Variants in LHFPL3 observed in about 807,000 individuals in gnomAD.
The protein encoded by LHFPL3 is LHFPL tetraspan subfamily member 3.
In LHFPL3, 5 loss-of-function variants were observed where a neutral mutation model predicts 19.3. That is an observed-to-expected ratio of 0.26 (90% CI 0.14 to 0.54). LHFPL3 has a LOEUF of 0.54. Ranked by LOEUF, LHFPL3 falls within the 20% of genes least tolerant of loss-of-function variation. The pLI is 0.94. For missense variants in LHFPL3, 249 were observed against 307.4 expected, an observed-to-expected ratio of 0.81 and a Z score of 1.42; for synonymous variants, 133 against 126.2, an observed-to-expected ratio of 1.05 and a Z score of -0.36.
At chr7:104,903,046 T>G (rs1467943066) in intron 2 of LHFPL3, among the ~76,000 whole-genome samples, 1 of 152,164 alleles carries the variant, frequency 6.6e-6, no homozygotes, top group South Asian at 2.1e-4. Flanking sequence ...GCCGGAGGCT[T>G]CCTTCTCCCC....
intron 1 of LHFPL3, among the ~76,000 whole-genome samples, chr7:104,365,777 G>C (rs1412115487): frequency 9.3e-4 from 36 of 38,732 alleles, no homozygotes; most frequent in Non-Finnish European, 1.8e-3. Flanking sequence ...GACAGAGCGA[G>C]ACTCCGTCTC....
At chr7:104,742,850 A>C (rs996224411) in intron 2 of LHFPL3, among the ~76,000 whole-genome samples, 4 of 151,984 alleles carry the variant, frequency 2.6e-5, no homozygotes, top group African/African-American at 9.7e-5. Context: ...TGACTAGGGG[A>C]GGGGATAGGT....
intron 2 of LHFPL3, among the ~76,000 whole-genome samples, chr7:104,861,964 G>C (rs1332463634): frequency 1.3e-5 from 2 of 152,086 alleles, no homozygotes; most frequent in Admixed American, 1.3e-4. Flanking sequence ...TGGTAGGGCT[G>C]GGCTGCCTGT....
intron 2 of LHFPL3, among the ~76,000 whole-genome samples, chr7:104,802,084 A>G (rs913001159): frequency 6.6e-5 from 10 of 152,024 alleles, no homozygotes; most frequent in Admixed American, 5.2e-4. Flanking sequence ...TGTCTCCCCA[A>G]AATTTTTGGT....
In LHFPL3 at chr7:104,748,161, C is replaced by T. The variant is rs567938037; in HGVS notation, c.682+11250C>T. Among the ~76,000 whole-genome samples the T allele has an allele frequency of 3.3e-4, 50 of 151,244 alleles. No individual in the cohort carries two copies. In the East Asian group the frequency reaches 9.2e-3, roughly 28 times the overall value. ...AACAGATGCTTGAAGGCAGCATGCT[C>T]CTTAAGAGTCATCACCACTCCCTAA... On this transcript the variant is annotated intron_variant, in intron 2 of 2. Transcript: ENST00000424859.
At chr7:104,679,437 A>T (rs1792652191) in intron 1 of LHFPL3, among the ~76,000 whole-genome samples, 1 of 152,224 alleles carries the variant, frequency 6.6e-6, no homozygotes, top group Non-Finnish European at 1.5e-5. Flanking sequence ...GCTCATATTC[A>T]AGAGGTAGGG....
At chr7:104,801,945 A>G (rs1341463559) in intron 2 of LHFPL3, among the ~76,000 whole-genome samples, 1 of 152,184 alleles carries the variant, frequency 6.6e-6, no homozygotes, top group Non-Finnish European at 1.5e-5. Context: ...CCATTAACTA[A>G]GTAGTAAACA....
chr7:104,649,746 G>C (rs1315695717), intron 1 of LHFPL3, among the ~76,000 whole-genome samples: 1 of 152,232 alleles, frequency 6.6e-6, no homozygotes, highest in Non-Finnish European at 1.5e-5. Flanking sequence ...GAGTTAGTGA[G>C]AGCAGCAGGA....
chr7:104,373,460 C>A (rs572195988), intron 1 of LHFPL3, among the ~76,000 whole-genome samples: 1 of 152,084 alleles, frequency 6.6e-6, no homozygotes, highest in African/African-American at 2.4e-5. Flanking sequence ...GTGCTATAAC[C>A]TGCCATCCCT....
rs1376933524 is a variant in LHFPL3, at chr7:104,328,855, C to T, written c.76C>T (p.His26Tyr). ...GGCTCAGGAGGCTGCCAAGCTGTACCACACCAACTATGTGCGGAACTCGCG... is the reference window on the plus strand; with the variant it reads ...GGCTCAGGAGGCTGCCAAGCTGTACTACACCAACTATGTGCGGAACTCGCG... ...LPAQEAAKLY[H>Y]TNYVRNSRAI... is the part of the protein sequence containing the mutation. Residue 26 changes from histidine (H) to tyrosine (Y), a missense_variant, in exon 1 of 3, where the codon CAC becomes TAC. His to Tyr is a moderately conservative substitution (Grantham distance 83). Transcript: ENST00000424859. This position sits in a 1 kb window ranked among gnomAD's most constrained non-coding sequence, Gnocchi z 4.6. 1.2e-6 allele frequency: 2 copies of T among 1,614,168 alleles called. No homozygotes were observed. The highest frequency in any genetic ancestry group is 2.2e-5 in the East Asian group (1 of 44,840).
At chr7:104,683,059 G>A (rs964981782) in intron 1 of LHFPL3, among the ~76,000 whole-genome samples, 1 of 152,116 alleles carries the variant, frequency 6.6e-6, no homozygotes, top group African/African-American at 2.4e-5. Context: ...CCGTGATCTC[G>A]GCTCACTGCA....
At chr7:104,430,412 A>ACGTG (rs1562895172) in intron 1 of LHFPL3, among the ~76,000 whole-genome samples, 3 of 27,596 alleles carry the variant, frequency 1.1e-4, no homozygotes, top group African/African-American at 7.2e-4. Flanking sequence ...ATACATATAT[A>ACGTG]TATATACATA....
intron 2 of LHFPL3, among the ~76,000 whole-genome samples, chr7:104,741,365 T>C (rs1481390401): frequency 6.6e-6 from 1 of 151,810 alleles, no homozygotes; most frequent in Non-Finnish European, 1.5e-5. Flanking sequence ...GGCAACAAGT[T>C]TGAAGACACA....
At chr7:104,610,350 C>A (rs544649402) in intron 1 of LHFPL3, among the ~76,000 whole-genome samples, 33 of 151,826 alleles carry the variant, frequency 2.2e-4, no homozygotes, top group Non-Finnish European at 4.6e-4. Context: ...CTAATCACAA[C>A]TCACTCCTAT....
chr7:104,845,106 T>C (rs1791288134), intron 2 of LHFPL3, among the ~76,000 whole-genome samples: 1 of 152,206 alleles, frequency 6.6e-6, no homozygotes, highest in Admixed American at 6.5e-5. Flanking sequence ...AGTGCTACTA[T>C]TGGCCCGTTT....
chr7:104,426,111 T>C (rs978091602), intron 1 of LHFPL3, among the ~76,000 whole-genome samples: 1 of 152,238 alleles, frequency 6.6e-6, no homozygotes, highest in African/African-American at 2.4e-5. Context: ...CATTTTCTAC[T>C]TTGTCCATTT....
intron 2 of LHFPL3, among the ~76,000 whole-genome samples, chr7:104,878,883 A>G (rs142808464): frequency 7.8e-4 from 119 of 152,348 alleles, no homozygotes; most frequent in South Asian, 1.9e-3. Flanking sequence ...TGTTATGGTT[A>G]TGGTTTGATC....
At chr7:104,329,263 G>T (rs541559205) in intron 1 of LHFPL3, 39 bp downstream of exon 1, 2 of 1,553,932 alleles carry the variant, frequency 1.3e-6, no homozygotes, top group East Asian at 2.3e-5. Flanking sequence ...GGAGGACCCC[G>T]GGGCGCCCGA....
At chr7:104,372,093 A>G (rs1480996109) in intron 1 of LHFPL3, among the ~76,000 whole-genome samples, 6 of 152,226 alleles carry the variant, frequency 3.9e-5, no homozygotes, top group Non-Finnish European at 8.8e-5. Flanking sequence ...TTACTGTTCC[A>G]AACAGTCATT....
Sources: gnomAD v4.1 joint callset for allele counts (sites outside exome capture counted in the v4.1 genomes callset) on GRCh38, gnomAD v4.1.1 for gene constraint, Gnocchi (gnomAD v3.1) non-coding constraint, MANE v1.5 for transcripts, NCBI Gene and HGNC (gene_info 2026-07-23, HGNC 2026-07-21) for gene names.